Variants in ZFPM2 observed in about 807,000 individuals in gnomAD.
ZFPM2 encodes the protein zinc finger protein ZFPM2.
In ZFPM2, 20 loss-of-function variants were observed where a neutral mutation model predicts 98.6. The ratio of observed to expected loss-of-function variants is 0.20; its 90% CI spans 0.14 to 0.29. ZFPM2 has a LOEUF of 0.29. Among genes scored for constraint, ZFPM2 ranks in the 10% least tolerant of loss-of-function variants. The probability of loss-of-function intolerance (pLI) is 1.00; values close to 1 mark genes in which losing one functional copy is unlikely to be tolerated. For missense variants in ZFPM2, 1,310 were observed against 1,388.6 expected, an observed-to-expected ratio of 0.94 and a Z score of 0.90; for synonymous variants, 518 against 502.7, an observed-to-expected ratio of 1.03 and a Z score of -0.41.
chr8:105,576,515 G>T (rs981850336), intron 4 of ZFPM2, among the ~76,000 whole-genome samples: 2 of 152,018 alleles, frequency 1.3e-5, no homozygotes, highest in African/African-American at 4.8e-5. Context: ...TTCTTGTTTT[G>T]GTGAGTTTAA....
At chr8:105,671,318 G>C (rs1360573584) in intron 5 of ZFPM2, among the ~76,000 whole-genome samples, 3 of 151,358 alleles carry the variant, frequency 2.0e-5, no homozygotes, top group Admixed American at 6.6e-5. Context: ...TCTTCGAATT[G>C]TCTTCCATTT....
chr8:105,319,812 CG>C (rs1811985620), intron 1 of ZFPM2: 1 of 152,204 alleles, frequency 6.6e-6, no homozygotes, highest in Non-Finnish European at 1.5e-5. Context: ...CCCGGGTGCC[CG>C]GGGGTCCCGA....
At chr8:105,471,030 T>C (rs1392456322) in intron 3 of ZFPM2, among the ~76,000 whole-genome samples, 1 of 152,186 alleles carries the variant, frequency 6.6e-6, no homozygotes, top group Non-Finnish European at 1.5e-5. Context: ...TTATTACATA[T>C]TGAAAATCTT....
intron 5 of ZFPM2, among the ~76,000 whole-genome samples, chr8:105,754,983 TGCAC>T (rs1812565554): frequency 3.4e-5 from 5 of 147,922 alleles, no homozygotes; most frequent in Admixed American, 6.7e-5. Flanking sequence ...TGTGTGTGTG[TGCAC>T]GTGCGCATGT....
rs747482643 is a variant in ZFPM2, at chr8:105,801,920, C to T, written c.1838C>T (p.Ser613Phe). 1 of 1,613,966 alleles carries T rather than the reference C, an allele frequency of 6.2e-7. No individual in the cohort carries two copies. The highest frequency in any genetic ancestry group is 8.5e-7 in the Non-Finnish European group (1 of 1,179,874). Residue 613 changes from serine to phenylalanine, a missense_variant, in exon 8 of 8, where the codon TCT becomes TTT. Transcript: ENST00000407775. ...AACCTTCTCAACCCAGCTGCTCATT[C>T]TGCTGATCCTGAGAATCCACTTCTT... ...SINLLNPAAH[S>F]ADPENPLLQT... is the part of the protein sequence containing the mutation.
intron 5 of ZFPM2, among the ~76,000 whole-genome samples, chr8:105,670,760 T>G (rs142175483): frequency 6.9e-4 from 105 of 152,326 alleles, no homozygotes; most frequent in African/African-American, 2.5e-3. Flanking sequence ...TTCACTGCCT[T>G]GCTAGTAGAA....
chr8:105,782,931 C>T (rs1241593264), intron 5 of ZFPM2, among the ~76,000 whole-genome samples: 1 of 152,004 alleles, frequency 6.6e-6, no homozygotes, highest in Non-Finnish European at 1.5e-5. Flanking sequence ...TAAATTTCAC[C>T]TCTATAGAGA....
At chr8:105,746,118 T>C (rs1002737218) in intron 5 of ZFPM2, among the ~76,000 whole-genome samples, 3 of 151,984 alleles carry the variant, frequency 2.0e-5, no homozygotes, top group African/African-American at 7.2e-5. Context: ...AGGGAATGTG[T>C]ACTGAAAACA....
chr8:105,627,405 GT>G lies in ZFPM2; in HGVS notation c.421-6840del, dbSNP rs142386785. Reference sequence around the variant, plus strand: ...AAATGTACAATGTGGAGCTTCAAAAGTGCACAAGATTTCTTTTTTTTAAAAA... The same window carrying G: ...AAATGTACAATGTGGAGCTTCAAAAGGCACAAGATTTCTTTTTTTTAAAAA... On this transcript the variant is annotated intron_variant, in intron 4 of 7. Coordinates refer to ENST00000407775, the MANE Select transcript of ZFPM2 (RefSeq NM_012082.4). 3.8e-3 allele frequency among the ~76,000 whole-genome samples: 581 copies of G among 152,168 alleles called. 2 individuals are homozygous for G. The highest frequency in any genetic ancestry group is 0.013 in the African/African-American group (548 of 41,498).
At chr8:105,354,092 G>A (rs116612740) in intron 1 of ZFPM2, among the ~76,000 whole-genome samples, 1 of 152,166 alleles carries the variant, frequency 6.6e-6, no homozygotes, top group Non-Finnish European at 1.5e-5. Context: ...TAAGGAGGCT[G>A]CAAACCACTT....
intron 5 of ZFPM2, among the ~76,000 whole-genome samples, chr8:105,735,071 T>A (rs1249294884): frequency 6.7e-6 from 1 of 148,340 alleles, no homozygotes; most frequent in Non-Finnish European, 1.5e-5. Flanking sequence ...CACAATTCCC[T>A]TTGCACCAAC....
intron 1 of ZFPM2, among the ~76,000 whole-genome samples, chr8:105,362,535 C>G (rs552368738): frequency 2.6e-5 from 4 of 151,232 alleles, no homozygotes; most frequent in Non-Finnish European, 4.4e-5. Context: ...TTTATTGCTG[C>G]GTTCTGTTGA....
rs543212665 is a variant in ZFPM2, at chr8:105,459,530, G to T, written c.301+15149G>T. Among the ~76,000 whole-genome samples, 5 of 152,266 alleles carry T rather than the reference G, an allele frequency of 3.3e-5. No homozygotes were observed. The East Asian group carries it at 5.8e-4, about 18-fold the overall frequency. On this transcript the variant is annotated intron_variant, in intron 3 of 7. Coordinates refer to ENST00000407775, the MANE Select transcript of ZFPM2 (RefSeq NM_012082.4). ...ATAATGTAATACCACAGACTGGGTG[G>T]ATTAAACAACAATAATTTTTTTCCT...
intron 1 of ZFPM2, among the ~76,000 whole-genome samples, chr8:105,341,434 A>T (rs1385358935): frequency 4.0e-5 from 6 of 151,848 alleles, no homozygotes; most frequent in Non-Finnish European, 8.8e-5. Context: ...GTAATACTTT[A>T]TTATAATACA....
intron 3 of ZFPM2, among the ~76,000 whole-genome samples, chr8:105,535,468 A>G (rs1814429897): frequency 6.6e-6 from 1 of 152,174 alleles, no homozygotes; most frequent in Non-Finnish European, 1.5e-5. Flanking sequence ...CATATAATAA[A>G]CAGGATTTCA....
chr8:105,791,583 AT>A (rs1366782287), intron 6 of ZFPM2, among the ~76,000 whole-genome samples: 3 of 152,196 alleles, frequency 2.0e-5, no homozygotes, highest in Admixed American at 6.5e-5. Context: ...CGGCTTTGGT[AT>A]CAGGATGATG....
At chr8:105,785,622 G>A (rs1226707553) in intron 5 of ZFPM2, among the ~76,000 whole-genome samples, 2 of 152,174 alleles carry the variant, frequency 1.3e-5, no homozygotes, top group Non-Finnish European at 2.9e-5. Context: ...AAGAACTCCT[G>A]GCTGGACACC....
intron 5 of ZFPM2, among the ~76,000 whole-genome samples, chr8:105,723,195 C>T (rs1221593856): frequency 6.6e-6 from 1 of 151,708 alleles, no homozygotes; most frequent in Non-Finnish European, 1.5e-5. Context: ...TCATGATATT[C>T]TTGATTGGCT....
intron 1 of ZFPM2, among the ~76,000 whole-genome samples, chr8:105,323,452 A>G: frequency 6.6e-6 from 1 of 152,056 alleles, no homozygotes; most frequent in East Asian, 1.9e-4. Context: ...TGACTGAGCA[A>G]CATTTCGGAA....
Sources: allele counts gnomAD v4.1 joint callset (sites outside exome capture counted in the v4.1 genomes callset), GRCh38; gene constraint gnomAD v4.1.1; transcripts MANE v1.5; gene names NCBI Gene and HGNC (gene_info 2026-07-23, HGNC 2026-07-21).